Variants in EIF3B observed in about 807,000 individuals in gnomAD.
EIF3B encodes the protein eukaryotic translation initiation factor 3 subunit B.
Under a neutral mutation model 104.6 loss-of-function variants are expected in EIF3B, and 10 were observed. The ratio of observed to expected loss-of-function variants is 0.10; its 90% CI spans 0.06 to 0.16. The LOEUF (loss-of-function observed/expected upper bound fraction) is 0.16. Ranked by LOEUF, EIF3B falls within the 10% of genes least tolerant of loss-of-function variation. The pLI is 1.00. For missense variants in EIF3B, 1,014 were observed against 1,087.9 expected, an observed-to-expected ratio of 0.93 and a Z score of 0.96; for synonymous variants, 542 against 417.2, an observed-to-expected ratio of 1.30 and a Z score of -3.65.
At chr7:2,371,712 A>G (rs1780349588) in intron 10 of EIF3B, 65 bp from the exon 11 acceptor site, 3 of 1,270,932 alleles carry the variant, frequency 2.4e-6, no homozygotes, top group South Asian at 2.4e-5. Context: ...TTGATCTTTG[A>G]TTTAAACCTT....
In EIF3B at chr7:2,379,463, C is replaced by T. The variant is rs761091640; in HGVS notation, c.2411C>T (p.Thr804Ile). 8.2e-6 allele frequency: 13 copies of T among 1,586,360 alleles called. No homozygotes were observed. Among genetic ancestry groups the T allele is most frequent in the Non-Finnish European group, 1.1e-5 (13 of 1,166,036 alleles). Reference sequence around the variant, plus strand: ...GAGGAGACCATTGAGTTCTTCGTCACTGAAGAAATCATTCCCCTCGGGAAT... The same window carrying T: ...GAGGAGACCATTGAGTTCTTCGTCATTGAAGAAATCATTCCCCTCGGGAAT... ...WEEETIEFFV[T>I]EEIIPLGNQE Residue 804 changes from threonine to isoleucine, a missense_variant, in exon 18 of 19, where the codon ACT becomes ATT. Physicochemically the swap from Thr to Ile is moderately conservative, Grantham distance 89. Transcript: ENST00000360876.
Position 2,354,979 on chromosome 7 carries a change from G to T in EIF3B, c.58G>T (p.Gly20Cys), listed in dbSNP as rs1219677877. 6 of 1,176,338 alleles carry T rather than the reference G, an allele frequency of 5.1e-6. 1 individual carries two copies. In the South Asian group the frequency reaches 1.7e-4, roughly 34 times the overall value. The allele number at this position is 1,176,338 out of a possible 1,614,324, so 72.9% of individuals were successfully genotyped here. Residue 20 changes from glycine (G) to cysteine (C), a missense_variant, in exon 1 of 19, where the codon GGC becomes TGC. Physicochemically the swap from Gly to Cys is radical, Grantham distance 159 (BLOSUM62 -3). Coordinates refer to ENST00000360876, the MANE Select transcript of EIF3B (RefSeq NM_001037283.2). Reference sequence around the variant, plus strand: ...GGCGGCCGAGGAGCGCGCCGAGCCCGGCCAGCAGCAGCCGGCCGCCGAGCC... The same window carrying T: ...GGCGGCCGAGGAGCGCGCCGAGCCCTGCCAGCAGCAGCCGGCCGCCGAGCC... ...PEAAEERAEP[G>C]QQQPAAEPPP...
At chr7:2,356,853 C>CTTT (rs372231511) in intron 1 of EIF3B, among the ~76,000 whole-genome samples, 2 of 149,454 alleles carry the variant, frequency 1.3e-5, no homozygotes, top group African/African-American at 4.9e-5. Flanking sequence ...CTATATTACA[C>CTTT]TTTTTTTTTT....
intron 9 of EIF3B, 104 bp downstream of exon 9, chr7:2,367,149 C>G: frequency 9.0e-7 from 1 of 1,109,706 alleles, no homozygotes; most frequent in Non-Finnish European, 1.3e-6. Flanking sequence ...TGGCTTATGA[C>G]AGCTGAGATT....
In EIF3B at chr7:2,354,870, G is replaced by A; in HGVS notation, c.-52G>A. The A allele has an allele frequency of 8.9e-7, 1 of 1,120,212 alleles. No individual in the cohort carries two copies. The highest frequency in any genetic ancestry group is 1.1e-6 in the Non-Finnish European group (1 of 918,010). 69.4% of individuals were successfully genotyped at this position (1,120,212 alleles called of 1,614,324 possible). ...TCGCGGCGCGCGGTGCGGCCTGGGA[G>A]AGTCGGAAGCGCGGCGGCCGCGGAG... On this transcript the variant is annotated 5_prime_UTR_variant, in exon 1 of 19. Transcript: ENST00000360876.
intron 10 of EIF3B, among the ~76,000 whole-genome samples, chr7:2,371,314 C>T (rs938256894): frequency 2.6e-5 from 4 of 152,264 alleles, no homozygotes; most frequent in Admixed American, 2.6e-4. Flanking sequence ...TCTTGGCCTC[C>T]TTCCTCTGTT....
At position 2,355,147 on chromosome 7, in the gene EIF3B, G is replaced by T. The variant is rs1779328923; in HGVS notation, c.226G>T (p.Ala76Ser). ...GACCGAGCCGGCGGCCGAGGCAGAG[G>T]CGGCCTCCGGCCCGTCCGAGTCGCC... is the stretch of plus-strand genomic sequence containing the variant. ...VRTEPAAEAE[A>S]ASGPSESPSP... Residue 76 changes from alanine (A) to serine (S), a missense_variant, in exon 1 of 19, where the codon GCG (alanine) becomes TCG (serine). Physicochemically the swap from Ala to Ser is moderately conservative, Grantham distance 99. Coordinates refer to ENST00000360876, the MANE Select transcript of EIF3B (RefSeq NM_001037283.2). The T allele has an allele frequency of 2.1e-6, 3 of 1,423,216 alleles. No individual in the cohort carries two copies. The highest frequency in any genetic ancestry group is 2.7e-6 in the Non-Finnish European group (3 of 1,098,158). 88.2% of individuals were successfully genotyped at this position (1,423,216 alleles called of 1,614,324 possible).
rs574134521 is a variant in EIF3B at position 2,374,138 on chromosome 7, A to G, written c.1811-390A>G. 8.5e-5 allele frequency: 14 copies of G among 165,404 alleles called. No individual in the cohort carries two copies. In the South Asian group the frequency reaches 2.3e-3, roughly 27 times the overall value. 10.2% of individuals were successfully genotyped at this position (165,404 alleles called of 1,614,324 possible). On this transcript the variant is annotated intron_variant, in intron 12 of 18. Transcript: ENST00000360876. ...AAGATGATGACTGTAGTCAGTTTCAACAAGCATACAGCTTATCCAAAGACG... is the reference window on the plus strand; with the variant it reads ...AAGATGATGACTGTAGTCAGTTTCAGCAAGCATACAGCTTATCCAAAGACG...
At position 2,379,173 on chromosome 7, in the gene EIF3B, C is replaced by T. The variant is rs759115078; in HGVS notation, c.2272C>T (p.Arg758Trp). The T allele has an allele frequency of 8.1e-6, 13 of 1,613,760 alleles. No individual in the cohort carries two copies. The highest frequency in any genetic ancestry group is 4.5e-5 in the East Asian group (2 of 44,894). The change falls in exon 17 of 19, where the codon CGG (arginine) becomes TGG (tryptophan). Residue 758 changes from arginine to tryptophan, a missense_variant. This residue lies in a region of EIF3B where 266 missense variants were observed against 324.0 expected (regional missense o/e 0.82). Coordinates refer to ENST00000360876, the MANE Select transcript of EIF3B (RefSeq NM_001037283.2). ...ERRRTMMEDF[R>W]KYRKMAQELY... ...AAGGCGCACCATGATGGAAGATTTC[C>T]GGAAGTACCGGAAAATGGCCCAGGA...
chr7:2,375,217 A>C, intron 13 of EIF3B, 172 bp from the exon 14 acceptor site: 1 of 690,606 alleles, frequency 1.4e-6, no homozygotes, highest in African/African-American at 1.8e-5. Context: ...CACACTCTGC[A>C]TCTGTGATTT....
rs368514580 is a variant in EIF3B, at chr7:2,364,393, C to T, written c.1021C>T (p.Arg341Cys). ...GCAGAGATGGACAGAGACGTATGTGCGTTGGTCTCCTAAGGGCACCTACCT... is the reference window on the plus strand; with the variant it reads ...GCAGAGATGGACAGAGACGTATGTGTGTTGGTCTCCTAAGGGCACCTACCT... ...ERARWTETYV[R>C]WSPKGTYLAT... Residue 341 changes from arginine to cysteine, a missense_variant, in exon 6 of 19, where the codon CGT (arginine) becomes TGT (cysteine). By Grantham distance (180) the Arg-to-Cys change is radical. Coordinates refer to ENST00000360876, the MANE Select transcript of EIF3B (RefSeq NM_001037283.2). 3 of 1,608,266 alleles carry T rather than the reference C, an allele frequency of 1.9e-6. No homozygotes were observed. Among genetic ancestry groups the T allele is most frequent in the South Asian group, 1.1e-5 (1 of 89,224 alleles).
chr7:2,362,490 C>T (rs1779784092), intron 2 of EIF3B, among the ~76,000 whole-genome samples, 155 bp from the exon 3 acceptor site: 1 of 152,202 alleles, frequency 6.6e-6, no homozygotes, highest in Non-Finnish European at 1.5e-5. Context: ...GGCTGTGGAT[C>T]TGTCCCCCGT....
rs753161752 is a variant in EIF3B at position 2,379,572 on chromosome 7, C to T, written c.*14+61C>T. The T allele has an allele frequency of 1.5e-4, 162 of 1,071,456 alleles. 4 individuals carry two copies. In the Middle Eastern group the frequency reaches 5.1e-3, roughly 34 times the overall value. The allele number at this position is 1,071,456 out of a possible 1,614,324, so 66.4% of individuals were successfully genotyped here. On this transcript the variant is annotated intron_variant, in intron 18 of 18. Coordinates refer to ENST00000360876, the MANE Select transcript of EIF3B (RefSeq NM_001037283.2). Reference sequence around the variant, plus strand: ...TGGCTGCTCATGCTGCTTCAGTTATCCCCGTCACTGAGGAAGCACCTCCTT... The same window carrying T: ...TGGCTGCTCATGCTGCTTCAGTTATTCCCGTCACTGAGGAAGCACCTCCTT...
Position 2,375,421 on chromosome 7 carries a change from C to T in EIF3B, c.1922C>T (p.Ser641Leu), listed in dbSNP as rs76153980. 1,406 of 1,614,216 alleles carry T rather than the reference C, an allele frequency of 8.7e-4. 2 individuals carry two copies. Among genetic ancestry groups the T allele is most frequent in the Non-Finnish European group, 1.1e-3 (1,261 of 1,180,046 alleles). The change falls in exon 14 of 19, where the codon TCG becomes TTG. Residue 641 changes from serine (S) to leucine (L), a missense_variant. Transcript: ENST00000360876. Reference sequence around the variant, plus strand: ...GGTGCCTTAGCGTTTGTGGACACTTCGGACTGCACGGTCATGAACATCGCA... The same window carrying T: ...GGTGCCTTAGCGTTTGTGGACACTTTGGACTGCACGGTCATGAACATCGCA... ...MNGALAFVDT[S>L]DCTVMNIAEH...
intron 15 of EIF3B, among the ~76,000 whole-genome samples, chr7:2,377,588 G>A (rs1435482771): frequency 9.2e-6 from 1 of 108,550 alleles, no homozygotes; most frequent in African/African-American, 5.9e-5. Context: ...AATGACCCTG[G>A]GTGTCATGGA....
intron 13 of EIF3B, 59 bp from the exon 14 acceptor site, chr7:2,375,330 G>A: frequency 1.2e-6 from 2 of 1,605,072 alleles, no homozygotes; most frequent in South Asian, 1.1e-5. Flanking sequence ...CCTCTCAGGA[G>A]TGGGATGCCA....
intron 1 of EIF3B, among the ~76,000 whole-genome samples, chr7:2,356,951 G>C (rs996931308): frequency 3.3e-5 from 5 of 152,100 alleles, no homozygotes; most frequent in Non-Finnish European, 7.4e-5. Context: ...TCAGTCCTGA[G>C]GAAACTTGTC....
At chr7:2,358,323 AT>A (rs1177003920) in intron 1 of EIF3B, among the ~76,000 whole-genome samples, 3 of 151,904 alleles carry the variant, frequency 2.0e-5, no homozygotes, top group African/African-American at 7.3e-5. Context: ...GCCTCATGTG[AT>A]TTGCCTTCCT....
In EIF3B at chr7:2,355,973, C is replaced by T. The variant is rs564170889; in HGVS notation, c.499+553C>T. Among the ~76,000 whole-genome samples, 5 of 152,128 alleles carry T rather than the reference C, an allele frequency of 3.3e-5. No homozygotes were observed. In the South Asian group the frequency reaches 1.0e-3, roughly 32 times the overall value. ...GTTTGATTTTTCTTTATCTCTTGCG[C>T]TAAATCTATAAAGAGAGTTATTTTT... is the stretch of plus-strand genomic sequence containing the variant. On this transcript the variant is annotated intron_variant, in intron 1 of 18. Transcript: ENST00000360876.
Sources: gnomAD v4.1 joint callset for allele counts (sites outside exome capture counted in the v4.1 genomes callset) on GRCh38, gnomAD v4.1.1 for gene constraint, gnomAD v4.1.1 regional missense constraint, MANE v1.5 for transcripts, NCBI Gene and HGNC (gene_info 2026-07-23, HGNC 2026-07-21) for gene names.